The following RBFOX1 variants were observed in gnomAD, a reference collection of about 807,000 sequenced individuals.
RBFOX1 encodes RNA binding fox-1 homolog 1, also known as RNA binding protein fox-1 homolog 1.
In RBFOX1, 8 loss-of-function variants were observed where a neutral mutation model predicts 57.7. The ratio of observed to expected loss-of-function variants is 0.14; its 90% CI spans 0.08 to 0.25. The LOEUF (loss-of-function observed/expected upper bound fraction) is 0.25, where lower values mean the gene tolerates loss of function less well. RBFOX1 is among the 10% of genes least tolerant of loss of function. The probability of loss-of-function intolerance (pLI) is 1.00; values close to 1 mark genes in which losing one functional copy is unlikely to be tolerated. For synonymous variants in RBFOX1, 326 were observed against 222.4 expected (o/e 1.47, Z -4.15); for missense variants, 611 against 548.5 (o/e 1.11, Z -1.14).
At chr16:6,788,062 A>C (rs1426662831) in intron 3 of RBFOX1, among the ~76,000 whole-genome samples, 6 of 152,054 alleles carry the variant, frequency 3.9e-5, no homozygotes, top group Non-Finnish European at 7.4e-5. Context: ...ATCTCTACTA[A>C]AAATACAAAA....
At chr16:6,409,216 C>G (rs1008127625) in intron 2 of RBFOX1, among the ~76,000 whole-genome samples, 1 of 152,062 alleles carries the variant, frequency 6.6e-6, no homozygotes, top group Non-Finnish European at 1.5e-5. Flanking sequence ...GAGTTTGAGA[C>G]CAGTCTGGCC....
chr16:5,699,476 G>C (rs2050958997), intron 3 of RBFOX1, among the ~76,000 whole-genome samples: 1 of 150,946 alleles, frequency 6.6e-6, no homozygotes, highest in African/African-American at 2.4e-5. Flanking sequence ...TAGTGCAGTG[G>C]TTCTTAACTG....
At chr16:5,566,242 G>A (rs552100874) in intron 2 of RBFOX1, among the ~76,000 whole-genome samples, 12 of 152,264 alleles carry the variant, frequency 7.9e-5, no homozygotes, top group African/African-American at 2.9e-4. Context: ...CCCAGTCACT[G>A]TCTGTTTTTC....
chr16:7,062,799 A>G (rs1459696069), intron 4 of RBFOX1, among the ~76,000 whole-genome samples: 1 of 149,650 alleles, frequency 6.7e-6, no homozygotes, highest in Non-Finnish European at 1.5e-5. Flanking sequence ...CCAGGGCTAG[A>G]CCTCAGATTC....
Position 7,436,883 on chromosome 16 carries a change from G to A in RBFOX1, c.28-81264G>A, listed in dbSNP as rs143090587. Among the ~76,000 whole-genome samples, 584 of 152,118 alleles carry A rather than the reference G, an allele frequency of 3.8e-3. 3 individuals are homozygous for A. Among genetic ancestry groups the A allele is most frequent in the African/African-American group, 0.013 (557 of 41,440 alleles). ...TTGAGACCAGCCTGGCAAATATGGC[G>A]AAGCCCCATCACTACTAAAAATACA... On this transcript the variant is annotated intron_variant, in intron 4 of 15. Transcript: ENST00000550418.
intron 3 of RBFOX1, among the ~76,000 whole-genome samples, chr16:6,950,928 T>C (rs1030850448): frequency 2.0e-5 from 3 of 151,844 alleles, no homozygotes; most frequent in East Asian, 1.9e-4. Flanking sequence ...TTTTTTGACA[T>C]AGGATCTTGC....
intron 5 of RBFOX1, among the ~76,000 whole-genome samples, chr16:7,539,506 T>C (rs890477805): frequency 6.6e-6 from 1 of 152,202 alleles, no homozygotes; most frequent in Non-Finnish European, 1.5e-5. Flanking sequence ...GGTGACATAT[T>C]GTCCATGATC....
rs937095313 is a variant in RBFOX1 at position 5,996,091 on chromosome 16, T to A, written c.351+128756T>A. Among the ~76,000 whole-genome samples the A allele has an allele frequency of 9.9e-5, 15 of 152,266 alleles. No homozygotes were observed. The East Asian group carries it at 2.7e-3, about 28-fold the overall frequency. On this transcript the variant is annotated intron_variant, in intron 4 of 19. Transcript: ENST00000641259. ...TGAGGGTTCCATCCCTGTGACATAATCATCTCTGAAGGATCTCACCTCCTA... is the reference window on the plus strand; with the variant it reads ...TGAGGGTTCCATCCCTGTGACATAAACATCTCTGAAGGATCTCACCTCCTA...
intron 1 of RBFOX1, among the ~76,000 whole-genome samples, chr16:6,126,560 C>G (rs757087486): frequency 3.2e-4 from 48 of 152,142 alleles, no homozygotes; most frequent in Non-Finnish European, 5.7e-4. Flanking sequence ...AAACTATCTT[C>G]CATATGGCTT....
Position 6,928,075 on chromosome 16 carries a change from G to A in RBFOX1, c.-15-123982G>A, listed in dbSNP as rs77485776. On this transcript the variant is annotated intron_variant, in intron 3 of 15. Coordinates refer to ENST00000550418, the MANE Select transcript of RBFOX1 (RefSeq NM_018723.4). ...CTTGGGTTGAAGCCCCAGATGACTG[G>A]GAGCTGCTTCTTTACTTTGGTTCCC... 3.1e-3 allele frequency among the ~76,000 whole-genome samples: 467 copies of A among 152,208 alleles called. 4 individuals carry two copies. The highest frequency in any genetic ancestry group is 0.01 in the African/African-American group (432 of 41,548).
At chr16:7,094,123 G>T (rs1180120547) in intron 4 of RBFOX1, among the ~76,000 whole-genome samples, 2 of 150,912 alleles carry the variant, frequency 1.3e-5, no homozygotes, top group Non-Finnish European at 2.9e-5. Context: ...ATTTTGAGTG[G>T]TGTTTCACTT....
chr16:6,847,347 A>C (rs1031530867), intron 3 of RBFOX1, among the ~76,000 whole-genome samples: 1 of 152,092 alleles, frequency 6.6e-6, no homozygotes, highest in African/African-American at 2.4e-5. Context: ...GTGTCCTCAC[A>C]ACTGCAAGGG....
chr16:6,923,452 G>A (rs1209314705), intron 3 of RBFOX1, among the ~76,000 whole-genome samples: 3 of 152,168 alleles, frequency 2.0e-5, no homozygotes, highest in African/African-American at 7.2e-5. Flanking sequence ...AGAGTTGCTG[G>A]AAACCGGGAG....
At chr16:6,799,960 T>C (rs2084983425) in intron 3 of RBFOX1, among the ~76,000 whole-genome samples, 1 of 152,148 alleles carries the variant, frequency 6.6e-6, no homozygotes, top group Non-Finnish European at 1.5e-5. Context: ...GTGAGTCAAT[T>C]CTCCTTAATA....
intron 1 of RBFOX1, among the ~76,000 whole-genome samples, chr16:5,308,389 C>A (rs183719705): frequency 7.9e-5 from 12 of 151,582 alleles, no homozygotes; most frequent in Non-Finnish European, 1.6e-4. Flanking sequence ...CAAGAGGCAA[C>A]AACTTTGAAT....
intron 3 of RBFOX1, among the ~76,000 whole-genome samples, chr16:6,740,144 C>A (rs377118132): frequency 5.3e-5 from 8 of 152,074 alleles, no homozygotes; most frequent in African/African-American, 1.7e-4. Flanking sequence ...ATTCACTATA[C>A]CGATAGGTTC....
intron 15 of RBFOX1, chr16:7,709,915 T>C: frequency 9.5e-7 from 1 of 1,056,586 alleles, no homozygotes; most frequent in Non-Finnish European, 1.1e-6. Context: ...TCTGCTTGGA[T>C]CAAGAATATC....
intron 4 of RBFOX1, among the ~76,000 whole-genome samples, chr16:7,247,961 T>C (rs911227118): frequency 6.6e-6 from 1 of 152,058 alleles, no homozygotes; most frequent in Non-Finnish European, 1.5e-5. Flanking sequence ...ACCTGGGTGA[T>C]GAAAAAATCT....
intron 3 of RBFOX1, among the ~76,000 whole-genome samples, chr16:5,701,772 T>A (rs901156515): frequency 6.6e-6 from 1 of 151,846 alleles, no homozygotes; most frequent in Non-Finnish European, 1.5e-5. Context: ...ACCAGAGGCA[T>A]TTTTTGTCCG....
Sources: gnomAD v4.1 joint callset for allele counts (sites outside exome capture counted in the v4.1 genomes callset) on GRCh38, gnomAD v4.1.1 for gene constraint, MANE v1.5 for transcripts, NCBI Gene and HGNC (gene_info 2026-07-23, HGNC 2026-07-21) for gene names.